The following AKAP6 variants were observed in gnomAD, a reference collection of about 807,000 sequenced individuals.
The protein encoded by AKAP6 is A-kinase anchor protein 6.
In AKAP6, 58 loss-of-function variants were observed where a neutral mutation model predicts 188.5. That is an observed-to-expected ratio of 0.31 (90% CI 0.25 to 0.38). The LOEUF (loss-of-function observed/expected upper bound fraction) is 0.38, where lower values mean the gene tolerates loss of function less well. AKAP6 is among the 10% of genes least tolerant of loss of function. The probability of loss-of-function intolerance (pLI) is 1.00; values close to 1 mark genes in which losing one functional copy is unlikely to be tolerated. For missense variants in AKAP6, 2,710 were observed against 2,740.0 expected (o/e 0.99, Z 0.24); for synonymous variants, 989 against 998.6 (o/e 0.99, Z 0.18).
intron 1 of AKAP6, among the ~76,000 whole-genome samples, chr14:32,338,066 G>T (rs944270958): frequency 9.2e-5 from 14 of 151,974 alleles, no homozygotes; most frequent in Middle Eastern, 3.4e-3. Context: ...TGTTTGTTTG[G>T]TTTTTTGTTG....
rs377427259 is a variant in AKAP6, at chr14:32,822,744, G to C, written c.4931G>C (p.Ser1644Thr). 7 of 1,613,754 alleles carry C rather than the reference G, an allele frequency of 4.3e-6. No individual in the cohort carries two copies. The African/African-American group carries it at 9.3e-5, about 22-fold the overall frequency. Residue 1644 changes from serine (S) to threonine (T), a missense_variant, in exon 13 of 14, where the codon AGC (serine) becomes ACC (threonine). Physicochemically the swap from Ser to Thr is moderately conservative, Grantham distance 58 (BLOSUM62 1). Transcript: ENST00000280979. Reference sequence around the variant, plus strand: ...CTGAATCGTTTGGAGAATATCCAGAGCCCCTCAGAGCAAAAGATAAAACGA... The same window carrying C: ...CTGAATCGTTTGGAGAATATCCAGACCCCCTCAGAGCAAAAGATAAAACGA... The part of the protein sequence containing the change: ...DLLNRLENIQ[S>T]PSEQKIKRSV...
intron 9 of AKAP6, among the ~76,000 whole-genome samples, chr14:32,697,502 A>G (rs749130652): frequency 3.3e-5 from 5 of 152,210 alleles, no homozygotes; most frequent in Non-Finnish European, 7.4e-5. Flanking sequence ...CAGGAATTAC[A>G]TATGAAAACG....
intron 2 of AKAP6, among the ~76,000 whole-genome samples, chr14:32,465,890 A>G (rs1173094810): frequency 6.6e-6 from 1 of 152,224 alleles, no homozygotes; most frequent in Non-Finnish European, 1.5e-5. Context: ...ACAAGAAAAA[A>G]ACAACCTCAT....
chr14:32,363,276 T>C (rs1887723300), intron 1 of AKAP6, among the ~76,000 whole-genome samples: 1 of 151,788 alleles, frequency 6.6e-6, no homozygotes, highest in South Asian at 2.1e-4. Context: ...CCAGAGGGAG[T>C]AGAGGAAGGT....
intron 1 of AKAP6, among the ~76,000 whole-genome samples, chr14:32,369,337 A>G (rs1887936836): frequency 6.6e-6 from 1 of 152,220 alleles, no homozygotes; most frequent in African/African-American, 2.4e-5. Context: ...GAAACCGGTA[A>G]CTGTTAGACA....
Position 32,546,785 on chromosome 14 carries a change from G to A in AKAP6, c.2132G>A (p.Ser711Asn), listed in dbSNP as rs748216764. Residue 711 changes from serine to asparagine, a missense_variant, in exon 4 of 14, where the codon AGC becomes AAC. Ser to Asn is a conservative substitution (Grantham distance 46). Around this residue, in one of 2 missense-constraint regions of AKAP6, gnomAD observed 2,473 missense variants for 2,426.1 expected, o/e 1.02. Transcript: ENST00000280979. ...SSDIASSLGE[S>N]IESGPLSDIL... ...GACATAGCCTCTTCACTAGGGGAGA[G>A]CATTGAATCTGGGCCCCTGAGTGAC... 1.2e-6 allele frequency: 2 copies of A among 1,614,006 alleles called. No homozygotes were observed. The highest frequency in any genetic ancestry group is 1.7e-5 in the Admixed American group (1 of 60,010).
At chr14:32,473,862 T>G (rs1566525190) in intron 2 of AKAP6, 1 of 152,418 alleles carries the variant, frequency 6.6e-6, no homozygotes, top group Non-Finnish European at 1.5e-5. Context: ...GTCATGGATC[T>G]GCTGCTGTTC....
At chr14:32,557,586 G>C (rs916292087) in intron 4 of AKAP6, among the ~76,000 whole-genome samples, 1 of 152,142 alleles carries the variant, frequency 6.6e-6, no homozygotes, top group East Asian at 1.9e-4. Context: ...CCATGCACCA[G>C]TGTTCCTAGT....
At chr14:32,394,508 A>G (rs1888811958) in intron 1 of AKAP6, among the ~76,000 whole-genome samples, 1 of 152,132 alleles carries the variant, frequency 6.6e-6, no homozygotes, top group Non-Finnish European at 1.5e-5. Context: ...AAATGTGGGG[A>G]TGCCGATGCA....
chr14:32,534,117 T>A (rs1178342410), intron 2 of AKAP6, among the ~76,000 whole-genome samples: 1 of 152,196 alleles, frequency 6.6e-6, no homozygotes, highest in Non-Finnish European at 1.5e-5. Context: ...TGTACATTTT[T>A]AAATACAGAT....
chr14:32,492,355 T>TATATATATATATATATATAGAGAGAGAG, intron 2 of AKAP6, among the ~76,000 whole-genome samples: 34 of 82,592 alleles, frequency 4.1e-4, no homozygotes, highest in Non-Finnish European at 7.7e-4. Context: ...TATATATATA[T>TATATATATATATATATATAGAGAGAGAG]AGAGAGAGAG....
rs1566482796 is a variant in AKAP6, at chr14:32,398,855, T to TTG, written c.-34-34604_-34-34603insGT. ...CTCTCTTTCTTCCTGTTTTTTTTTT[T>TTG]TTTTTTTTTTTTTTTTGATGGAGTC... On this transcript the variant is annotated intron_variant, in intron 1 of 13. Coordinates refer to ENST00000280979, the MANE Select transcript of AKAP6 (RefSeq NM_004274.5). 1.0e-4 allele frequency among the ~76,000 whole-genome samples: 11 copies of TTG among 110,148 alleles called. 1 individual carries two copies. The highest frequency in any genetic ancestry group is 1.6e-4 in the Non-Finnish European group (8 of 50,244). The allele number at this position is 110,148 out of a possible 152,430, so 72.3% of individuals were successfully genotyped here.
rs143615571 is a variant in AKAP6 at position 32,728,348 on chromosome 14, TTCTATCTATCTATCTATCTA to T, written c.3001-4079_3001-4060del. 9.2e-5 allele frequency among the ~76,000 whole-genome samples: 13 copies of T among 141,082 alleles called. No homozygotes were observed. The East Asian group carries it at 1.1e-3, about 12-fold the overall frequency. The allele number at this position is 141,082 out of a possible 152,430, so 92.6% of individuals were successfully genotyped here. A position where few individuals can be genotyped will look rare whatever the true frequency, so the allele number is the denominator to read the frequency against. On this transcript the variant is annotated intron_variant, in intron 9 of 13. Coordinates refer to ENST00000280979, the MANE Select transcript of AKAP6 (RefSeq NM_004274.5). ...AGATATATTTTATTTTCTCAGTGTA[TTCTATCTATCTATCTATCTA>T]TCTATCTATCTATCTATCTATCTAT...
At chr14:32,687,013 A>T (rs1375745289) in intron 8 of AKAP6, among the ~76,000 whole-genome samples, 1 of 152,176 alleles carries the variant, frequency 6.6e-6, no homozygotes, top group Non-Finnish European at 1.5e-5. Flanking sequence ...TAGAAACAGT[A>T]TATACAGGTT....
intron 2 of AKAP6, chr14:32,473,621 T>G (rs1386669909): frequency 6.6e-6 from 1 of 152,204 alleles, no homozygotes; most frequent in African/African-American, 2.4e-5. Flanking sequence ...ATTTTGCAAC[T>G]CTAGTAAACC....
intron 5 of AKAP6, among the ~76,000 whole-genome samples, chr14:32,578,813 C>T (rs956042792): frequency 2.6e-5 from 4 of 151,546 alleles, no homozygotes; most frequent in African/African-American, 4.8e-5. Flanking sequence ...AGTATGGACC[C>T]AAGGTCCCTT....
chr14:32,367,721 T>C (rs114659917), intron 1 of AKAP6, among the ~76,000 whole-genome samples: 3,427 of 152,314 alleles, frequency 0.022, 101 homozygotes, highest in African/African-American at 0.07. Context: ...ACATGTGGAA[T>C]GGGGACAGGG....
intron 12 of AKAP6, among the ~76,000 whole-genome samples, chr14:32,800,821 C>G (rs1650163803): frequency 1.3e-5 from 2 of 151,940 alleles, no homozygotes; most frequent in Non-Finnish European, 2.9e-5. Context: ...TCGAGACCAA[C>G]CTGGGCAACA....
intron 2 of AKAP6, among the ~76,000 whole-genome samples, chr14:32,486,453 G>A (rs1879700562): frequency 6.6e-6 from 1 of 152,134 alleles, no homozygotes; most frequent in Admixed American, 6.6e-5. Context: ...CAAGAGCATG[G>A]AATGTTTTTC....
Sources: allele counts gnomAD v4.1 joint callset (sites outside exome capture counted in the v4.1 genomes callset), GRCh38; gene constraint gnomAD v4.1.1; regional missense constraint gnomAD v4.1.1; transcripts MANE v1.5; gene names NCBI Gene and HGNC (gene_info 2026-07-23, HGNC 2026-07-21).